The following OR2L2 variants were observed in gnomAD, a reference collection of about 807,000 sequenced individuals.
OR2L2 encodes the protein olfactory receptor family 2 subfamily L member 2.
For synonymous variants in OR2L2, 156 were observed against 135.4 expected, an observed-to-expected ratio of 1.15 and a Z score of -1.06; for missense variants, 378 against 375.2, an observed-to-expected ratio of 1.01 and a Z score of -0.06.
chr1:248,039,412 TTTTGTTTG>T lies in OR2L2; in HGVS notation c.*220_*227del. The T allele has an allele frequency of 5.1e-6, 2 of 389,814 alleles. No homozygotes were observed. Among genetic ancestry groups the T allele is most frequent in the Non-Finnish European group, 9.0e-6 (2 of 222,320 alleles). 24.1% of individuals were successfully genotyped at this position (389,814 alleles called of 1,614,324 possible). A position where few individuals can be genotyped will look rare whatever the true frequency, so the allele number is the denominator to read the frequency against. Reference sequence around the variant, plus strand: ...TATTTTGATTTTGTTTGTGTGTGGTTTTTGTTTGTTTGTTTGTTTGTCTTTTTAATGGA... The same window carrying T: ...TATTTTGATTTTGTTTGTGTGTGGTTTTTGTTTGTTTGTCTTTTTAATGGA... On this transcript the variant is annotated 3_prime_UTR_variant, in exon 3 of 3. Transcript: ENST00000641771.
chr1:248,041,832 A>G lies in OR2L2; in HGVS notation c.*2626A>G, dbSNP rs1398899024. ...GAGATACCATCTCACACCAGTTAGA[A>G]TGGCAATCATTAAAACGTCAGGAAA... On this transcript the variant is annotated 3_prime_UTR_variant, in exon 3 of 3. Coordinates refer to ENST00000641771, the MANE Select transcript of OR2L2 (RefSeq NM_001385855.1). 6.6e-6 allele frequency: 1 copy of G among 152,194 alleles called. No homozygotes were observed. The highest frequency in any genetic ancestry group is 1.9e-4 in the East Asian group (1 of 5,190). 9.4% of individuals were successfully genotyped at this position (152,194 alleles called of 1,614,324 possible).
At position 248,038,416 on chromosome 1, in the gene OR2L2, T is replaced by G. The variant is rs1202854811; in HGVS notation, c.149T>G (p.Leu50Trp). 2 of 1,613,760 alleles carry G rather than the reference T, an allele frequency of 1.2e-6. No homozygotes were observed. Among genetic ancestry groups the G allele is most frequent in the Non-Finnish European group, 1.7e-6 (2 of 1,179,772 alleles). ...CTATCCATGATTCTTCTCATCTTTT[T>G]GGACATCCATCTCCACACACCTATG... The part of the protein sequence containing the change: ...GNLSMILLIF[L>W]DIHLHTPMYF... The change falls in exon 3 of 3, where the codon TTG becomes TGG. Residue 50 changes from leucine (L) to tryptophan (W), a missense_variant. By Grantham distance (61) the Leu-to-Trp change is moderately conservative. Transcript: ENST00000641771.
At chr1:248,033,741 CCT>C (rs749730598) in intron 1 of OR2L2, among the ~76,000 whole-genome samples, 11 of 151,824 alleles carry the variant, frequency 7.2e-5, no homozygotes, top group Non-Finnish European at 1.6e-4. Flanking sequence ...TGGCACCTGT[CCT>C]CTCTTTTCTT....
chr1:248,037,908 C>T (rs752689948), intron 2 of OR2L2, among the ~76,000 whole-genome samples: 6 of 152,170 alleles, frequency 3.9e-5, no homozygotes, highest in Non-Finnish European at 7.4e-5. Flanking sequence ...ATCATGTAGA[C>T]ATTTTGATTT....
intron 2 of OR2L2, among the ~76,000 whole-genome samples, chr1:248,037,472 G>T (rs72475099): frequency 0.17 from 25,865 of 152,072 alleles, 2,412 homozygotes; most frequent in East Asian, 0.32. Context: ...CTGAGATTGT[G>T]TTGGGCATCA....
At chr1:248,036,869 C>G (rs1179337521) in intron 2 of OR2L2, among the ~76,000 whole-genome samples, 1 of 151,980 alleles carries the variant, frequency 6.6e-6, no homozygotes, top group African/African-American at 2.4e-5. Flanking sequence ...CTTTATGGAT[C>G]TTAACAAAAA....
intron 1 of OR2L2, among the ~76,000 whole-genome samples, chr1:248,031,646 G>A (rs992637360): frequency 6.6e-6 from 1 of 152,192 alleles, no homozygotes; most frequent in Admixed American, 6.5e-5. Context: ...CTCCTAGTGG[G>A]AGGGAGTTTT....
At chr1:248,036,757 CT>C (rs1662773721) in intron 2 of OR2L2, among the ~76,000 whole-genome samples, 1 of 152,112 alleles carries the variant, frequency 6.6e-6, no homozygotes, top group African/African-American at 2.4e-5. Flanking sequence ...TTGCTGTTTC[CT>C]TTTTTCCATT....
At chr1:248,037,500 G>A (rs570281675) in intron 2 of OR2L2, among the ~76,000 whole-genome samples, 1 of 152,130 alleles carries the variant, frequency 6.6e-6, no homozygotes, top group South Asian at 2.1e-4. Context: ...ATATCTTTTT[G>A]AAGTTGTAAG....
rs908400088 is a variant in OR2L2 at position 248,041,110 on chromosome 1, C to G, written c.*1904C>G. On this transcript the variant is annotated 3_prime_UTR_variant, in exon 3 of 3. Coordinates refer to ENST00000641771, the MANE Select transcript of OR2L2 (RefSeq NM_001385855.1). ...AGTTGCCTGATGTTGAAAGATTTAC[C>G]TAATCTCACATAAATAACCAAAACA... The G allele has an allele frequency of 6.6e-6, 1 of 151,968 alleles. No individual in the cohort carries two copies. Among genetic ancestry groups the G allele is most frequent in the African/African-American group, 2.4e-5 (1 of 41,370 alleles). The allele number at this position is 151,968 out of a possible 1,614,324, so 9.4% of individuals were successfully genotyped here. A position where few individuals can be genotyped will look rare whatever the true frequency, so the allele number is the denominator to read the frequency against.
At chr1:248,037,074 A>T (rs1345131569) in intron 2 of OR2L2, among the ~76,000 whole-genome samples, 1 of 152,146 alleles carries the variant, frequency 6.6e-6, no homozygotes, top group East Asian at 1.9e-4. Context: ...AGAATTCAGA[A>T]ATTGGATGAG....
intron 1 of OR2L2, among the ~76,000 whole-genome samples, chr1:248,034,027 C>A (rs894327550): frequency 1.3e-5 from 2 of 152,096 alleles, no homozygotes; most frequent in African/African-American, 4.8e-5. Flanking sequence ...AAGAATTCAG[C>A]CAAGTTTCAG....
chr1:248,037,527 A>G (rs1180469055), intron 2 of OR2L2, among the ~76,000 whole-genome samples: 1 of 152,180 alleles, frequency 6.6e-6, no homozygotes, highest in Non-Finnish European at 1.5e-5. Context: ...GATTTTTCCT[A>G]TAAATGTATA....
chr1:248,031,563 T>G (rs1662621991), intron 1 of OR2L2, among the ~76,000 whole-genome samples: 1 of 152,178 alleles, frequency 6.6e-6, no homozygotes, highest in African/African-American at 2.4e-5. Context: ...AGTGACTTGC[T>G]TCTGATGTAT....
In OR2L2 at chr1:248,039,017, C is replaced by G. The variant is rs886475994; in HGVS notation, c.750C>G (p.Tyr250Ter). The G allele has an allele frequency of 1.2e-6, 2 of 1,614,118 alleles. No individual in the cohort carries two copies. Among genetic ancestry groups the G allele is most frequent in the Non-Finnish European group, 1.7e-6 (2 of 1,180,000 alleles). Residue 250 changes from tyrosine (Y) to a stop codon, truncating the protein, a stop_gained, in exon 3 of 3, where the codon TAC (tyrosine) becomes TAG (stop). Coordinates refer to ENST00000641771, the MANE Select transcript of OR2L2 (RefSeq NM_001385855.1). LOFTEE classifies it low-confidence loss of function (END_TRUNC). ...CCCACCTCACTGTAGTGTCCTTCTA[C>G]TATGCACCCTTTGCTTATACCTATG... ...CSTHLTVVSFYYAPFAYTYVR... is the reference protein window; with the variant it reads ...CSTHLTVVSF
At chr1:248,036,676 C>A (rs566342327) in intron 2 of OR2L2, among the ~76,000 whole-genome samples, 2 of 152,202 alleles carry the variant, frequency 1.3e-5, no homozygotes, top group African/African-American at 4.8e-5. Context: ...GTATCCTGTG[C>A]AAAGTTGTCC....
rs1193150458 is a variant in OR2L2 at position 248,038,777 on chromosome 1, C to T, written c.510C>T (p.Ser170=). The T allele has an allele frequency of 6.2e-7, 1 of 1,614,138 alleles. No individual in the cohort carries two copies. The highest frequency in any genetic ancestry group is 8.5e-7 in the Non-Finnish European group (1 of 1,180,020). The change falls in exon 3 of 3, where the codon TCC becomes TCT. Residue 170 remains serine (S), a synonymous_variant. Transcript: ENST00000641771. ...CACTCTGTATCCCATATTGCAAGTC[C>T]AGAGCCATCAATCATTTTTTCTGTG... The part of the protein sequence containing the change: ...VYALCIPYCK[S]RAINHFFCDV...
chr1:248,036,913 A>G (rs1226541989), intron 2 of OR2L2, among the ~76,000 whole-genome samples: 1 of 152,210 alleles, frequency 6.6e-6, no homozygotes, highest in Admixed American at 6.5e-5. Flanking sequence ...CTTCATATGA[A>G]TGGGAGGATC....
Position 248,039,314 on chromosome 1 carries a change from T to A in OR2L2, c.*108T>A. 1.9e-6 allele frequency: 2 copies of A among 1,029,282 alleles called. No homozygotes were observed. The highest frequency in any genetic ancestry group is 2.8e-6 in the Non-Finnish European group (2 of 710,506). 63.8% of individuals were successfully genotyped at this position (1,029,282 alleles called of 1,614,324 possible). ...GCCCAGTGTGTCAAACAGAAGTTAATCTAGAAGAAATTTGTCTTTTAATTT... is the reference window on the plus strand; with the variant it reads ...GCCCAGTGTGTCAAACAGAAGTTAAACTAGAAGAAATTTGTCTTTTAATTT... On this transcript the variant is annotated 3_prime_UTR_variant, in exon 3 of 3. Coordinates refer to ENST00000641771, the MANE Select transcript of OR2L2 (RefSeq NM_001385855.1).
Sources: allele counts gnomAD v4.1 joint callset (sites outside exome capture counted in the v4.1 genomes callset), GRCh38; gene constraint gnomAD v4.1.1; transcripts MANE v1.5; gene names NCBI Gene and HGNC (gene_info 2026-07-23, HGNC 2026-07-21).